The following ARHGEF10 variants were observed in gnomAD, a reference collection of about 807,000 sequenced individuals.
ARHGEF10 encodes the protein Rho guanine nucleotide exchange factor (GEF) 10.
ARHGEF10 carries 140 observed loss-of-function variants against 147.4 expected under a neutral mutation model. That is an observed-to-expected ratio of 0.95 (90% CI 0.83 to 1.09). The LOEUF is 1.09. Ranked by LOEUF, ARHGEF10 falls within the 50% of genes least tolerant of loss-of-function variation. ARHGEF10 has a pLI of 0.00. For synonymous variants in ARHGEF10, 902 were observed against 695.8 expected (o/e 1.30, Z -4.67); for missense variants, 2,222 against 1,752.7 (o/e 1.27, Z -4.78).
chr8:1,902,953 C>A (rs1158272459), intron 15 of ARHGEF10, among the ~76,000 whole-genome samples: 1 of 152,202 alleles, frequency 6.6e-6, no homozygotes, highest in Non-Finnish European at 1.5e-5. Flanking sequence ...ATCTGTCTGA[C>A]TCAACTTGAG....
At chr8:1,876,386 C>T (rs1031382231) in intron 7 of ARHGEF10, 185 bp from the exon 8 acceptor site, 51 of 651,342 alleles carry the variant, frequency 7.8e-5, no homozygotes, top group Non-Finnish European at 1.1e-4. Context: ...CGGCCCTGCC[C>T]GGGTGGTGGA....
intron 1 of ARHGEF10, among the ~76,000 whole-genome samples, chr8:1,835,784 A>G (rs35802420): frequency 0.6 from 90,861 of 152,056 alleles, 27,440 homozygotes; most frequent in Middle Eastern, 0.72. Flanking sequence ...GTAAACACTT[A>G]TAGAAGGTGG....
chr8:1,857,326 G>A (rs78760458), intron 2 of ARHGEF10, among the ~76,000 whole-genome samples: 13,339 of 152,126 alleles, frequency 0.088, 613 homozygotes, highest in East Asian at 0.15. Context: ...TTCTCTTCCA[G>A]ACCATCAGCC....
At chr8:1,888,271 CT>C in intron 11 of ARHGEF10, among the ~76,000 whole-genome samples, 1 of 46,860 alleles carries the variant, frequency 2.1e-5, no homozygotes, top group African/African-American at 8.4e-5. Flanking sequence ...CTGAGTGGGG[CT>C]GTAGGTTCTG....
Position 1,924,008 on chromosome 8 carries a change from C to T in ARHGEF10, c.2488+134C>T, listed in dbSNP as rs148773487. On this transcript the variant is annotated intron_variant, in intron 21 of 28. Coordinates refer to ENST00000349830, the MANE Select transcript of ARHGEF10 (RefSeq NM_014629.4). ...ATTGACCTGAAAGAGTGTTTCTAAACAGGAAAATTCACCCTGGCACCGGCG... is the reference window on the plus strand; with the variant it reads ...ATTGACCTGAAAGAGTGTTTCTAAATAGGAAAATTCACCCTGGCACCGGCG... 19 of 882,656 alleles carry T rather than the reference C, an allele frequency of 2.2e-5. No homozygotes were observed. The African/African-American group carries it at 2.7e-4, about 12-fold the overall frequency. The allele number at this position is 882,656 out of a possible 1,614,324, so 54.7% of individuals were successfully genotyped here.
At chr8:1,873,583 C>T (rs796351044) in intron 7 of ARHGEF10, among the ~76,000 whole-genome samples, 7 of 123,784 alleles carry the variant, frequency 5.7e-5, no homozygotes, top group African/African-American at 1.2e-4. Flanking sequence ...GTAGTGCACC[C>T]GCATTTCCTA....
chr8:1,951,317 C>T (rs1200553133), intron 27 of ARHGEF10, among the ~76,000 whole-genome samples: 1 of 152,354 alleles, frequency 6.6e-6, no homozygotes, highest in East Asian at 1.9e-4. Flanking sequence ...TTCTCATTAG[C>T]TTTAGAAAGT....
Position 1,958,276 on chromosome 8 carries a change from A to G in ARHGEF10, c.*1013A>G, listed in dbSNP as rs1161283274. 1.3e-5 allele frequency: 2 copies of G among 152,178 alleles called. No homozygotes were observed. The highest frequency in any genetic ancestry group is 2.9e-5 in the Non-Finnish European group (2 of 68,036). 9.4% of individuals were successfully genotyped at this position (152,178 alleles called of 1,614,324 possible). On this transcript the variant is annotated 3_prime_UTR_variant, in exon 29 of 29. Transcript: ENST00000349830. ...TCGGGCCAGCCTGTCTGTTGTGCAG[A>G]CGCCTCCTCTGCAGAACGCATCAGT... is the stretch of plus-strand genomic sequence containing the variant.
At chr8:1,939,277 T>C (rs1230506868) in intron 26 of ARHGEF10, among the ~76,000 whole-genome samples, 1 of 152,226 alleles carries the variant, frequency 6.6e-6, no homozygotes, top group Admixed American at 6.5e-5. Flanking sequence ...CCAACATCAG[T>C]GCTAAGGTAA....
At chr8:1,903,150 C>G (rs1707010958) in intron 15 of ARHGEF10, 131 bp from the exon 16 acceptor site, 1 of 1,185,264 alleles carries the variant, frequency 8.4e-7, no homozygotes. Context: ...TTCCCAAGAA[C>G]TGACTTTATT....
chr8:1,834,888 T>C (rs976784024), intron 1 of ARHGEF10, among the ~76,000 whole-genome samples: 2 of 152,244 alleles, frequency 1.3e-5, no homozygotes, highest in African/African-American at 4.8e-5. Context: ...CCGCGCAGCC[T>C]TGGACACCGG....
In ARHGEF10 at chr8:1,929,422, G is replaced by A. The variant is rs989992745; in HGVS notation, c.3058G>A (p.Ala1020Thr). ...LYAGLVNGAVASYARAPDGSW... is the reference protein window; with the variant it reads ...LYAGLVNGAVTSYARAPDGSW... The stretch of plus-strand genomic sequence containing the variant: ...CGCTGGCCTGGTCAACGGGGCAGTC[G>A]CCAGCTACGCCAGAGCCCCAGGTGA... The change falls in exon 25 of 29, where the codon GCC becomes ACC. Residue 1020 changes from alanine to threonine, a missense_variant. Transcript: ENST00000349830. The A allele has an allele frequency of 1.9e-6, 3 of 1,609,246 alleles. No individual in the cohort carries two copies. Among genetic ancestry groups the A allele is most frequent in the Middle Eastern group, 2.1e-4 (1 of 4,734 alleles).
At position 1,835,918 on chromosome 8, in the gene ARHGEF10, A is replaced by C. The variant is rs1378648069; in HGVS notation, c.-47-7435A>C. On this transcript the variant is annotated intron_variant, in intron 1 of 28. Transcript: ENST00000349830. ...CAATCCAGGCCAGGCGCCGTGGCTCACACCTGTAATCCCGGCACTTTGGGA... is the reference window on the plus strand; with the variant it reads ...CAATCCAGGCCAGGCGCCGTGGCTCCCACCTGTAATCCCGGCACTTTGGGA... Among the ~76,000 whole-genome samples, 5 of 152,200 alleles carry C rather than the reference A, an allele frequency of 3.3e-5. No individual in the cohort carries two copies. In the East Asian group the frequency reaches 9.6e-4, roughly 29 times the overall value.
intron 15 of ARHGEF10, among the ~76,000 whole-genome samples, chr8:1,902,251 A>G (rs1810527958): frequency 6.6e-6 from 1 of 151,478 alleles, no homozygotes; most frequent in Admixed American, 6.6e-5. Flanking sequence ...GAGTGTTTCA[A>G]GTTCACGTTT....
chr8:1,916,350 G>T (rs549154150), intron 18 of ARHGEF10, among the ~76,000 whole-genome samples: 6 of 152,324 alleles, frequency 3.9e-5, no homozygotes, highest in Admixed American at 2.0e-4. Flanking sequence ...TATGTTCTGG[G>T]TTTTTGAACC....
At chr8:1,869,472 C>T (rs1477611844) in intron 7 of ARHGEF10, 2 of 665,322 alleles carry the variant, frequency 3.0e-6, no homozygotes, top group Non-Finnish European at 5.5e-6. Context: ...TCTTACTTAT[C>T]CCAAGCAAAC....
intron 9 of ARHGEF10, among the ~76,000 whole-genome samples, chr8:1,881,239 C>T (rs752421072): frequency 8.7e-5 from 13 of 149,700 alleles, no homozygotes; most frequent in Non-Finnish European, 1.9e-4. Context: ...TCCGGGAGTC[C>T]TGGCCGAGGC....
At chr8:1,871,667 A>C (rs557910399) in intron 7 of ARHGEF10, among the ~76,000 whole-genome samples, 1 of 152,204 alleles carries the variant, frequency 6.6e-6, no homozygotes, top group East Asian at 1.9e-4. Context: ...AAAGTACAAA[A>C]ATTAGCCGGG....
chr8:1,833,561 T>A (rs1803400766), intron 1 of ARHGEF10, among the ~76,000 whole-genome samples: 2 of 152,184 alleles, frequency 1.3e-5, no homozygotes, highest in South Asian at 4.1e-4. Context: ...TGGCTCTTCT[T>A]TGGCGCCCTG....
Sources: gnomAD v4.1 joint callset for allele counts (sites outside exome capture counted in the v4.1 genomes callset) on GRCh38, gnomAD v4.1.1 for gene constraint, MANE v1.5 for transcripts, NCBI Gene and HGNC (gene_info 2026-07-23, HGNC 2026-07-21) for gene names.